Variants in GALC observed in about 807,000 individuals in gnomAD.
The protein encoded by GALC is galactosylceramidase.
Under a neutral mutation model 91.8 loss-of-function variants are expected in GALC, and 77 were observed. That is an observed-to-expected ratio of 0.84 (90% CI 0.70 to 1.01). GALC has a LOEUF of 1.01. GALC is among the 50% of genes least tolerant of loss of function. The pLI is 0.00. For missense variants in GALC, 882 were observed against 855.9 expected (o/e 1.03, Z -0.38); for synonymous variants, 357 against 306.7 (o/e 1.16, Z -1.71).
chr14:87,988,422 A>T (rs1345541633), intron 2 of GALC, 33 bp downstream of exon 2: 1 of 1,442,056 alleles, frequency 6.9e-7, no homozygotes, highest in Non-Finnish European at 9.8e-7. Context: ...CTAAAATATC[A>T]CAGGTACCAT....
Position 87,947,821 on chromosome 14 carries a change from G to A in GALC, c.1396C>T (p.Leu466Phe), listed in dbSNP as rs534171316. The change falls in exon 13 of 17, where the codon CTC (leucine) becomes TTC (phenylalanine). Residue 466 changes from leucine (L) to phenylalanine (F), a missense_variant. By Grantham distance (22) the Leu-to-Phe change is conservative. Transcript: ENST00000261304. ...TTGCGACCAGTGGTGAGAGTGGTGA[G>A]TGTGAACAGCTCATCTTCATGCAGG... ...LSLHEDELFTLTTLTTGRKGS... is the reference protein window; with the variant it reads ...LSLHEDELFTFTTLTTGRKGS... The A allele has an allele frequency of 3.7e-6, 6 of 1,612,672 alleles. No individual in the cohort carries two copies.
At position 87,973,461 on chromosome 14, in the gene GALC, A is replaced by G. The variant is rs138456533; in HGVS notation, c.752+2897T>C. On this transcript the variant is annotated intron_variant, in intron 7 of 16. Coordinates refer to ENST00000261304, the MANE Select transcript of GALC (RefSeq NM_000153.4). ...TAGGACAAGAAGGAAAGAAGGTGAA[A>G]TGTAAACTAAGTTTGCAGATTATTT... Among the ~76,000 whole-genome samples, 425 of 152,320 alleles carry G rather than the reference A, an allele frequency of 2.8e-3. 2 individuals are homozygous for G. The highest frequency in any genetic ancestry group is 9.7e-3 in the African/African-American group (403 of 41,580).
At chr14:87,992,885 G>T in intron 1 of GALC, 85 bp downstream of exon 1, 1 of 1,424,702 alleles carries the variant, frequency 7.0e-7, no homozygotes, top group South Asian at 1.5e-5. Context: ...TGGAAACGCA[G>T]GGCAACGCCG....
Position 87,950,703 on chromosome 14 carries a change from T to C in GALC, c.1207A>G (p.Asn403Asp), listed in dbSNP as rs371724294. The C allele has an allele frequency of 2.0e-5, 32 of 1,608,530 alleles. No individual in the cohort carries two copies. Among genetic ancestry groups the C allele is most frequent in the Non-Finnish European group, 6.0e-6 (7 of 1,176,260 alleles). The change falls in exon 11 of 17, where the codon AAT becomes GAT. Residue 403 changes from asparagine (N) to aspartate (D), a missense_variant. Coordinates refer to ENST00000261304, the MANE Select transcript of GALC (RefSeq NM_000153.4). ...KCIRPFLPYFNVSQQFATFVL... is the reference protein window; with the variant it reads ...KCIRPFLPYFDVSQQFATFVL... ...AAGGTGGCAAATTGTTGTGACACAT[T>C]GAAATAAGGAAGAAATGGCCGTATG...
chr14:87,969,580 A>G (rs1886196413), intron 7 of GALC, among the ~76,000 whole-genome samples: 1 of 152,224 alleles, frequency 6.6e-6, no homozygotes, highest in Non-Finnish European at 1.5e-5. Context: ...AAGAGCATCT[A>G]CTTTTTAGTT....
intron 8 of GALC, among the ~76,000 whole-genome samples, chr14:87,967,339 T>C (rs1425947229): frequency 5.3e-5 from 8 of 152,188 alleles, no homozygotes; most frequent in African/African-American, 1.9e-4. Context: ...GCTTCTTTCT[T>C]TGTACCTATC....
chr14:87,986,626 GAAGT>G, intron 3 of GALC, 24 bp from the exon 4 acceptor site: 1 of 1,451,376 alleles, frequency 6.9e-7, no homozygotes, highest in South Asian at 1.1e-5. Flanking sequence ...AGCAAAAACG[GAAGT>G]AATGATCCAT....
intron 6 of GALC, chr14:87,981,128 A>G (rs779013425): frequency 1.3e-5 from 2 of 152,244 alleles, no homozygotes; most frequent in African/African-American, 2.4e-5. Flanking sequence ...ACTCAGCCAC[A>G]AAAAGGAATG....
At chr14:87,954,232 T>C (rs574015047) in intron 10 of GALC, 13 of 1,537,548 alleles carry the variant, frequency 8.5e-6, no homozygotes, top group Middle Eastern at 1.7e-4. Context: ...GTGAACAGTA[T>C]AGACTTTATA....
intron 10 of GALC, among the ~76,000 whole-genome samples, chr14:87,960,069 A>T (rs978880181): frequency 8.4e-6 from 1 of 119,512 alleles, no homozygotes; most frequent in African/African-American, 2.6e-5. Context: ...ATGTAGAATT[A>T]AAAAAAAAGA....
intron 1 of GALC, among the ~76,000 whole-genome samples, chr14:87,989,823 C>G (rs966361654): frequency 1.3e-5 from 2 of 152,340 alleles, no homozygotes; most frequent in Middle Eastern, 3.4e-3. Flanking sequence ...AAGACCGTCC[C>G]TTTCCCAAAA....
chr14:87,955,002 A>T, intron 10 of GALC: 1 of 1,388,402 alleles, frequency 7.2e-7, no homozygotes, highest in Non-Finnish European at 1.0e-6. Context: ...ACAGAGTGAT[A>T]GTTACTTCCT....
chr14:87,971,205 G>A (rs1444813740), intron 7 of GALC, among the ~76,000 whole-genome samples: 1 of 152,112 alleles, frequency 6.6e-6, no homozygotes, highest in East Asian at 1.9e-4. Context: ...ACTCTCCCCA[G>A]GAGCCTCGCA....
chr14:87,993,593 T>G (rs1887339143), upstream of GALC: 1 of 915,982 alleles, frequency 1.1e-6, no homozygotes, highest in Non-Finnish European at 1.7e-6. Flanking sequence ...TTTTGGAGCC[T>G]GAGTTTTCCC....
At chr14:87,975,855 T>C (rs913662245) in intron 7 of GALC, among the ~76,000 whole-genome samples, 1 of 152,002 alleles carries the variant, frequency 6.6e-6, no homozygotes, top group African/African-American at 2.4e-5. Context: ...TTAAAAAAAA[T>C]GAACCCAATG....
At chr14:87,938,207 C>T (rs1884672252) in intron 16 of GALC, among the ~76,000 whole-genome samples, 1 of 151,976 alleles carries the variant, frequency 6.6e-6, no homozygotes, top group Non-Finnish European at 1.5e-5. Context: ...GGAGAAAAGC[C>T]TGTCACTAAA....
chr14:87,954,413 G>A (rs999725873), intron 10 of GALC: 79 of 1,594,764 alleles, frequency 5.0e-5, no homozygotes, highest in Non-Finnish European at 6.7e-5. Context: ...ATGGAGTCCT[G>A]GAGCAGCCTG....
intron 10 of GALC, among the ~76,000 whole-genome samples, chr14:87,959,108 G>A (rs931469187): frequency 3.3e-5 from 5 of 152,072 alleles, no homozygotes; most frequent in Middle Eastern, 3.2e-3. Context: ...TCTAGACTAT[G>A]TAAAGAACTT....
At chr14:87,956,243 C>A (rs1433312822) in intron 10 of GALC, among the ~76,000 whole-genome samples, 2 of 151,874 alleles carry the variant, frequency 1.3e-5, no homozygotes, top group African/African-American at 4.8e-5. Flanking sequence ...CTCCAAGGAG[C>A]AACATTTCAG....
Sources: gnomAD v4.1 joint callset for allele counts (sites outside exome capture counted in the v4.1 genomes callset) on GRCh38, gnomAD v4.1.1 for gene constraint, MANE v1.5 for transcripts, NCBI Gene and HGNC (gene_info 2026-07-23, HGNC 2026-07-21) for gene names.